Variants in TMEM117 observed in about 807,000 individuals in gnomAD.
TMEM117 encodes the protein transmembrane protein 117.
In TMEM117, 27 loss-of-function variants were observed where a neutral mutation model predicts 52.4. The observed-to-expected ratio is 0.51, with a 90% CI of 0.38 to 0.71. The LOEUF (loss-of-function observed/expected upper bound fraction) is 0.71. Ranked by LOEUF, TMEM117 falls within the 30% of genes least tolerant of loss-of-function variation. The pLI is 0.00. For missense variants in TMEM117, 556 were observed against 630.5 expected (o/e 0.88, Z 1.26); for synonymous variants, 215 against 206.3 (o/e 1.04, Z -0.36).
chr12:44,082,640 T>C (rs974165176), intron 3 of TMEM117, among the ~76,000 whole-genome samples: 1 of 152,104 alleles, frequency 6.6e-6, no homozygotes, highest in Non-Finnish European at 1.5e-5. Context: ...ATAATAATTA[T>C]GTAACAGTTT....
chr12:44,104,259 C>T (rs1455738621), intron 3 of TMEM117, among the ~76,000 whole-genome samples: 2 of 151,896 alleles, frequency 1.3e-5, no homozygotes, highest in Admixed American at 6.6e-5. Context: ...TAAATTATAG[C>T]TTTGGGTTTC....
intron 2 of TMEM117, among the ~76,000 whole-genome samples, chr12:43,895,469 G>A (rs1420447124): frequency 6.6e-6 from 1 of 152,148 alleles, no homozygotes; most frequent in Non-Finnish European, 1.5e-5. Flanking sequence ...ATGCGTGCAT[G>A]TGTCTTGTTA....
chr12:44,382,667 G>A (rs1275936076), intron 7 of TMEM117, among the ~76,000 whole-genome samples: 2 of 152,108 alleles, frequency 1.3e-5, no homozygotes, highest in African/African-American at 2.4e-5. Flanking sequence ...ACCTGTACTC[G>A]TCACATTGGA....
intron 6 of TMEM117, among the ~76,000 whole-genome samples, chr12:44,360,044 G>A (rs1312613585): frequency 1.3e-5 from 2 of 152,040 alleles, no homozygotes; most frequent in Non-Finnish European, 2.9e-5. Flanking sequence ...TACTTGACTG[G>A]AACATGTAAT....
intron 3 of TMEM117, among the ~76,000 whole-genome samples, chr12:44,126,104 T>C (rs919611855): frequency 1.3e-5 from 2 of 152,148 alleles, no homozygotes; most frequent in African/African-American, 2.4e-5. Flanking sequence ...TTTTTTTTTC[T>C]TTGCATTTGC....
intron 3 of TMEM117, among the ~76,000 whole-genome samples, chr12:44,075,834 A>G (rs1018436825): frequency 2.6e-5 from 4 of 152,158 alleles, no homozygotes; most frequent in Admixed American, 2.6e-4. Context: ...CCTTGTTTTG[A>G]AACTGTGGCC....
intron 5 of TMEM117, among the ~76,000 whole-genome samples, chr12:44,269,672 G>A (rs1950422991): frequency 6.6e-6 from 1 of 151,714 alleles, no homozygotes; most frequent in Non-Finnish European, 1.5e-5. Context: ...TATTGATTCA[G>A]CCCAACATTT....
intron 6 of TMEM117, among the ~76,000 whole-genome samples, chr12:44,316,248 T>C (rs1951052790): frequency 6.6e-6 from 1 of 152,198 alleles, no homozygotes; most frequent in Non-Finnish European, 1.5e-5. Context: ...AAGGACCTCT[T>C]TTAAGCCTGG....
intron 3 of TMEM117, among the ~76,000 whole-genome samples, chr12:44,029,749 A>G (rs1363897916): frequency 1.3e-5 from 2 of 152,108 alleles, no homozygotes; most frequent in African/African-American, 2.4e-5. Flanking sequence ...TCTGTGTTCT[A>G]TAGTGGAGAG....
In TMEM117 at chr12:43,908,806, A is replaced by G. The variant is rs564733482; in HGVS notation, c.278-35404A>G. On this transcript the variant is annotated intron_variant, in intron 2 of 7. Transcript: ENST00000266534. ...CAACAAGAAGAGCTAACTATCCTAA[A>G]TATATATGCACCCAATACAGGAGCA... Among the ~76,000 whole-genome samples the G allele has an allele frequency of 3.1e-4, 47 of 151,238 alleles. No homozygotes were observed. The East Asian group carries it at 9.2e-3, about 30-fold the overall frequency.
intron 4 of TMEM117, among the ~76,000 whole-genome samples, chr12:44,199,778 A>C (rs974363628): frequency 1.3e-5 from 2 of 152,206 alleles, no homozygotes; most frequent in African/African-American, 4.8e-5. Flanking sequence ...TATTACTATT[A>C]TCTTCAAGAG....
intron 3 of TMEM117, among the ~76,000 whole-genome samples, chr12:44,094,713 A>C (rs967919686): frequency 6.6e-6 from 1 of 152,102 alleles, no homozygotes; most frequent in Non-Finnish European, 1.5e-5. Context: ...CTGGGCATCC[A>C]AGTCGATATT....
At chr12:44,269,248 A>T (rs1219658722) in intron 5 of TMEM117, among the ~76,000 whole-genome samples, 1 of 152,140 alleles carries the variant, frequency 6.6e-6, no homozygotes, top group Admixed American at 6.6e-5. Context: ...AAGTAACACC[A>T]AAAGGCATAA....
chr12:44,098,287 T>C (rs1025587356), intron 3 of TMEM117, among the ~76,000 whole-genome samples: 7 of 152,076 alleles, frequency 4.6e-5, no homozygotes, highest in African/African-American at 1.2e-4. Context: ...TGGCATGATG[T>C]GGCTGAGCAT....
intron 6 of TMEM117, among the ~76,000 whole-genome samples, chr12:44,302,176 C>A (rs904179020): frequency 6.6e-6 from 1 of 152,132 alleles, no homozygotes; most frequent in Non-Finnish European, 1.5e-5. Flanking sequence ...GTACCATATG[C>A]CCTATGCAGC....
chr12:43,959,324 G>C (rs550081929), intron 3 of TMEM117, among the ~76,000 whole-genome samples: 11 of 152,282 alleles, frequency 7.2e-5, no homozygotes, highest in African/African-American at 2.2e-4. Context: ...TGGTTCATAA[G>C]TATGAAAAGA....
chr12:44,235,409 C>T (rs1949983949), intron 5 of TMEM117, among the ~76,000 whole-genome samples: 1 of 151,026 alleles, frequency 6.6e-6, no homozygotes, highest in Non-Finnish European at 1.5e-5. Flanking sequence ...GGCCCATGTG[C>T]ATTTAATGTA....
chr12:44,152,159 A>G (rs1481449172), intron 4 of TMEM117, among the ~76,000 whole-genome samples: 1 of 111,454 alleles, frequency 9.0e-6, no homozygotes, highest in Non-Finnish European at 1.6e-5. Flanking sequence ...TTATATTTAC[A>G]TAATATATAT....
intron 4 of TMEM117, among the ~76,000 whole-genome samples, chr12:44,184,028 G>A (rs879262910): frequency 2.0e-5 from 3 of 152,142 alleles, no homozygotes; most frequent in Non-Finnish European, 4.4e-5. Context: ...ATGGAATTCA[G>A]GTTACTAATC....
Sources: gnomAD v4.1 joint callset for allele counts (sites outside exome capture counted in the v4.1 genomes callset) on GRCh38, gnomAD v4.1.1 for gene constraint, MANE v1.5 for transcripts, NCBI Gene and HGNC (gene_info 2026-07-23, HGNC 2026-07-21) for gene names.